Variants in CNOT2 observed in about 807,000 individuals in gnomAD.
CNOT2 encodes the protein CC chemokine receptor 4-negative regulator of transcription 2.
Under a neutral mutation model 72.1 loss-of-function variants are expected in CNOT2, and 7 were observed. The observed-to-expected ratio is 0.10, with a 90% confidence interval of 0.06 to 0.18. CNOT2 has a LOEUF of 0.18. Among genes scored for constraint, CNOT2 ranks in the 10% least tolerant of loss-of-function variants. The probability of loss-of-function intolerance (pLI) is 1.00; values close to 1 mark genes in which losing one functional copy is unlikely to be tolerated. For missense variants in CNOT2, 345 were observed against 660.3 expected, an observed-to-expected ratio of 0.52 and a Z score of 5.23; for synonymous variants, 196 against 225.6, an observed-to-expected ratio of 0.87 and a Z score of 1.17.
At chr12:70,276,983 G>A (rs1010887521) in intron 1 of CNOT2, among the ~76,000 whole-genome samples, 5 of 151,714 alleles carry the variant, frequency 3.3e-5, no homozygotes, top group African/African-American at 7.3e-5. Flanking sequence ...TGTTCTGCCC[G>A]TATAGATTGC....
In CNOT2 at chr12:70,300,376, T is replaced by C. The variant is rs750058048; in HGVS notation, c.49-10519T>C. 4.7e-4 allele frequency among the ~76,000 whole-genome samples: 72 copies of C among 152,304 alleles called. 2 individuals are homozygous for C. The highest frequency in any genetic ancestry group is 3.4e-3 in the Middle Eastern group (1 of 294). On this transcript the variant is annotated intron_variant, in intron 2 of 15. Transcript: ENST00000229195. ...AGGTCTAACATTTAAGTCTTTAATC[T>C]ATCTTGAATTAATTTTTGTATAAGG...
chr12:70,295,892 A>T (rs1872725676), intron 2 of CNOT2, among the ~76,000 whole-genome samples: 1 of 152,154 alleles, frequency 6.6e-6, no homozygotes, highest in Non-Finnish European at 1.5e-5. Flanking sequence ...GATTCTAGAA[A>T]ACCACAAAAT....
chr12:70,264,307 T>G (rs1156237165), intron 1 of CNOT2, among the ~76,000 whole-genome samples: 1 of 152,214 alleles, frequency 6.6e-6, no homozygotes, highest in Non-Finnish European at 1.5e-5. Flanking sequence ...TTTTAGTTGC[T>G]TACTGCCCAA....
chr12:70,352,007 C>T (rs1056468193), intron 15 of CNOT2, among the ~76,000 whole-genome samples: 2 of 152,084 alleles, frequency 1.3e-5, no homozygotes, highest in African/African-American at 4.8e-5. Context: ...CATGGTGTAC[C>T]TTCTTTATAA....
intron 2 of CNOT2, among the ~76,000 whole-genome samples, chr12:70,301,365 G>C (rs1873934647): frequency 6.6e-6 from 1 of 152,116 alleles, no homozygotes; most frequent in Non-Finnish European, 1.5e-5. Flanking sequence ...GTTTGTCATA[G>C]ATAGCTCTTA....
chr12:70,326,353 C>T (rs1879071866), intron 4 of CNOT2, among the ~76,000 whole-genome samples: 1 of 151,620 alleles, frequency 6.6e-6, no homozygotes, highest in Admixed American at 6.6e-5. Flanking sequence ...ACTGTCCTTC[C>T]AGTCACCTGC....
chr12:70,345,536 G>A (rs762102905), intron 14 of CNOT2: 1 of 152,116 alleles, frequency 6.6e-6, no homozygotes, highest in Non-Finnish European at 1.5e-5. Context: ...GGTTTATTTT[G>A]TGGGACATTA....
intron 2 of CNOT2, chr12:70,285,384 A>AT (rs59359629): frequency 0.015 from 2,167 of 142,650 alleles, 27 homozygotes; most frequent in Non-Finnish European, 0.02. Flanking sequence ...AATTTTTTGT[A>AT]TTTTTTTTTT....
chr12:70,253,034 C>T (rs981073783), intron 1 of CNOT2, among the ~76,000 whole-genome samples: 1 of 152,120 alleles, frequency 6.6e-6, no homozygotes, highest in African/African-American at 2.4e-5. Context: ...TTTTTCCTAC[C>T]AGGAATTTTG....
intron 3 of CNOT2, among the ~76,000 whole-genome samples, chr12:70,316,433 C>T (rs533103950): frequency 3.3e-5 from 5 of 151,872 alleles, no homozygotes; most frequent in Non-Finnish European, 7.4e-5. Flanking sequence ...TTTTTAGCAC[C>T]GATTTGTTTG....
chr12:70,314,897 CTT>C (rs1288660732), intron 3 of CNOT2, among the ~76,000 whole-genome samples: 1 of 151,858 alleles, frequency 6.6e-6, no homozygotes, highest in African/African-American at 2.4e-5. Flanking sequence ...GAATTTCGCT[CTT>C]GTTGCCCAGG....
chr12:70,296,160 C>A (rs1189228788), intron 2 of CNOT2, among the ~76,000 whole-genome samples: 2 of 151,974 alleles, frequency 1.3e-5, no homozygotes, highest in Admixed American at 6.6e-5. Context: ...CACACACATA[C>A]CCTCCCCATC....
At chr12:70,282,093 T>C (rs1300428460) in intron 2 of CNOT2, among the ~76,000 whole-genome samples, 2 of 152,116 alleles carry the variant, frequency 1.3e-5, no homozygotes, top group African/African-American at 4.8e-5. Flanking sequence ...TGTAGATAGG[T>C]GTTCAATGCA....
intron 1 of CNOT2, among the ~76,000 whole-genome samples, chr12:70,261,609 C>T (rs1167390006): frequency 6.6e-6 from 1 of 151,774 alleles, no homozygotes; most frequent in African/African-American, 2.4e-5. Flanking sequence ...AGCTACCACG[C>T]CTGGCCAGTT....
chr12:70,320,735 C>T (rs1233201038), intron 4 of CNOT2, among the ~76,000 whole-genome samples: 1 of 151,546 alleles, frequency 6.6e-6, no homozygotes, highest in African/African-American at 2.4e-5. Flanking sequence ...CTTACTTTAC[C>T]TTTTGGAAGA....
chr12:70,318,541 T>C (rs1320302538), intron 3 of CNOT2, among the ~76,000 whole-genome samples: 3 of 151,918 alleles, frequency 2.0e-5, no homozygotes, highest in East Asian at 3.9e-4. Context: ...CTTCATTGTA[T>C]GTACCTAAAT....
chr12:70,278,742 C>T (rs1869301806), intron 2 of CNOT2, among the ~76,000 whole-genome samples: 1 of 152,042 alleles, frequency 6.6e-6, no homozygotes, highest in Admixed American at 6.6e-5. Flanking sequence ...GACCCAAATT[C>T]TATTGAATTT....
chr12:70,344,598 A>G (rs1358386789), intron 14 of CNOT2: 3 of 179,766 alleles, frequency 1.7e-5, no homozygotes, highest in African/African-American at 4.8e-5. Flanking sequence ...GGTGGCACAC[A>G]TCTATATAGT....
intron 2 of CNOT2, among the ~76,000 whole-genome samples, chr12:70,299,713 A>G (rs1348014509): frequency 2.6e-5 from 4 of 152,162 alleles, no homozygotes; most frequent in Non-Finnish European, 5.9e-5. Flanking sequence ...TAGTAGCATG[A>G]TTTATAATCC....
Sources: allele counts gnomAD v4.1 joint callset (sites outside exome capture counted in the v4.1 genomes callset), GRCh38; gene constraint gnomAD v4.1.1; transcripts MANE v1.5; gene names NCBI Gene and HGNC (gene_info 2026-07-23, HGNC 2026-07-21).